The following CDH23 variants were observed in gnomAD, a reference collection of about 807,000 sequenced individuals.
CDH23 encodes the protein cadherin related 23, also known as cadherin-23.
Under a neutral mutation model 317.1 loss-of-function variants are expected in CDH23, and 189 were observed. The observed-to-expected ratio is 0.60, with a 90% confidence interval of 0.53 to 0.67. CDH23 has a LOEUF of 0.67. CDH23 is among the 30% of genes least tolerant of loss of function. CDH23 has a pLI of 0.00. For missense variants in CDH23, 4,401 were observed against 4,592.4 expected (o/e 0.96, Z 1.20); for synonymous variants, 1,839 against 1,876.8 (o/e 0.98, Z 0.52).
intron 1 of CDH23, among the ~76,000 whole-genome samples, chr10:71,400,486 G>GA (rs920804086): frequency 1.3e-5 from 2 of 151,942 alleles, no homozygotes; most frequent in South Asian, 2.1e-4. Context: ...ACATCGATTT[G>GA]AAAATCAGTG....
intron 6 of CDH23, among the ~76,000 whole-genome samples, chr10:71,539,289 A>T (rs988777513): frequency 1.3e-5 from 2 of 152,134 alleles, no homozygotes; most frequent in African/African-American, 4.8e-5. Flanking sequence ...ATGCCTGTCC[A>T]GACCAGTCCC....
chr10:71,716,251 A>C (rs1461752899), intron 28 of CDH23: 4 of 1,549,046 alleles, frequency 2.6e-6, no homozygotes, highest in Non-Finnish European at 3.5e-6. Flanking sequence ...TTGCCTCTGC[A>C]AGGGTCCCGG....
At chr10:71,705,193 C>T in intron 25 of CDH23, 63 bp downstream of exon 25, 1 of 1,481,542 alleles carries the variant, frequency 6.7e-7, no homozygotes, top group Non-Finnish European at 9.1e-7. Flanking sequence ...GGGTCAGGGG[C>T]AGGGGTAGAG....
chr10:71,701,894 C>A, intron 22 of CDH23, 128 bp from the exon 23 acceptor site: 1 of 969,644 alleles, frequency 1.0e-6, no homozygotes, highest in Non-Finnish European at 1.5e-6. Context: ...CGGGGATGCC[C>A]ACTTCCTGGG....
At chr10:71,785,577 A>G in intron 43 of CDH23, 54 bp from the exon 44 acceptor site, 1 of 1,227,800 alleles carries the variant, frequency 8.1e-7, no homozygotes, top group Non-Finnish European at 1.2e-6. Flanking sequence ...CTGTGGGCCA[A>G]AGTAGAAAGC....
At chr10:71,738,400 C>T in intron 34 of CDH23, 98 bp from the exon 35 acceptor site, 1 of 1,416,864 alleles carries the variant, frequency 7.1e-7, no homozygotes, top group Non-Finnish European at 1.0e-6. Flanking sequence ...CCAGAACCCA[C>T]TGGGGATCTG....
chr10:71,566,540 C>T (rs1021233186), intron 6 of CDH23, among the ~76,000 whole-genome samples: 1 of 151,948 alleles, frequency 6.6e-6, no homozygotes, highest in African/African-American at 2.4e-5. Flanking sequence ...TTACAGCCAC[C>T]AGGAGGCCAT....
At chr10:71,577,766 C>A (rs1221649589) in intron 8 of CDH23, 148 bp from the exon 9 acceptor site, 2 of 676,968 alleles carry the variant, frequency 3.0e-6, no homozygotes, top group African/African-American at 3.5e-5. Flanking sequence ...CCCAGGGCAG[C>A]TGATGCCTGA....
chr10:71,790,519 G>A (rs925624079), intron 46 of CDH23, 106 bp downstream of exon 46: 70 of 1,411,626 alleles, frequency 5.0e-5, no homozygotes, highest in African/African-American at 9.9e-5. Context: ...CAGGCTGTCC[G>A]TGGAGACCCC....
intron 68 of CDH23, 77 bp from the exon 69 acceptor site, chr10:71,813,167 A>C: frequency 7.4e-7 from 1 of 1,347,978 alleles, no homozygotes; most frequent in Non-Finnish European, 1.0e-6. Context: ...TGTACCCCTT[A>C]CTCCCAGAGG....
intron 10 of CDH23, among the ~76,000 whole-genome samples, chr10:71,616,339 C>T (rs1253983859): frequency 1.3e-5 from 2 of 152,202 alleles, no homozygotes; most frequent in African/African-American, 4.8e-5. Flanking sequence ...ATGGTGCAGC[C>T]CAGCCTGGCC....
intron 18 of CDH23, among the ~76,000 whole-genome samples, chr10:71,683,168 C>A (rs1348604268): frequency 1.3e-5 from 2 of 152,208 alleles, no homozygotes; most frequent in Non-Finnish European, 2.9e-5. Context: ...CACGGGGATG[C>A]AGAGAGTGGT....
At chr10:71,443,756 C>T (rs931065867) in intron 2 of CDH23, among the ~76,000 whole-genome samples, 4 of 152,380 alleles carry the variant, frequency 2.6e-5, no homozygotes, top group African/African-American at 9.6e-5. Context: ...CATCCACTTA[C>T]ATTCCCGCTT....
At chr10:71,716,135 C>A (rs914629702) in intron 28 of CDH23, 1 of 1,549,950 alleles carries the variant, frequency 6.5e-7, no homozygotes, top group East Asian at 2.4e-5. Context: ...AGCCCTGCGG[C>A]GGCTCGGGTC....
intron 3 of CDH23, among the ~76,000 whole-genome samples, chr10:71,449,838 T>G (rs1021179363): frequency 2.6e-5 from 4 of 152,228 alleles, no homozygotes; most frequent in Non-Finnish European, 5.9e-5. Flanking sequence ...GGGCACAGCA[T>G]GGCCATCTGA....
chr10:71,494,224 A>G (rs1852829035), intron 3 of CDH23, among the ~76,000 whole-genome samples: 1 of 152,164 alleles, frequency 6.6e-6, no homozygotes, highest in African/African-American at 2.4e-5. Context: ...ACTTGGCCCT[A>G]TCTCTCATTT....
intron 38 of CDH23, chr10:71,755,253 A>G: frequency 9.8e-7 from 1 of 1,019,796 alleles, no homozygotes; most frequent in Non-Finnish European, 1.5e-6. Flanking sequence ...TCAAATGAAA[A>G]GGAATTGTGC....
chr10:71,811,569 T>G lies in CDH23; in HGVS notation c.9257T>G (p.Met3086Arg), dbSNP rs748821302. The change falls in exon 64 of 70, where the codon ATG (methionine) becomes AGG (arginine). Residue 3086 changes from methionine (M) to arginine (R), a missense_variant. Transcript: ENST00000224721. ...LFLAAMLFVLMNWYYRTVHKR... is the reference protein window; with the variant it reads ...LFLAAMLFVLRNWYYRTVHKR... ...CTGGCCGCCATGCTCTTTGTCCTCA[T>G]GAACTGGTACTACAGGACTGTGTGA... is the stretch of plus-strand genomic sequence containing the variant. The G allele has an allele frequency of 1.2e-6, 2 of 1,613,948 alleles. No homozygotes were observed. Among genetic ancestry groups the G allele is most frequent in the South Asian group, 1.1e-5 (1 of 91,090 alleles).
At chr10:71,446,242 C>T (rs1850159434) in intron 2 of CDH23, 76 bp from the exon 3 acceptor site, 2 of 1,389,384 alleles carry the variant, frequency 1.4e-6, no homozygotes, top group African/African-American at 1.4e-5. Flanking sequence ...CTGCAGCCCT[C>T]ACCCTGTGTC....
Sources: allele counts gnomAD v4.1 joint callset (sites outside exome capture counted in the v4.1 genomes callset), GRCh38; gene constraint gnomAD v4.1.1; transcripts MANE v1.5; gene names NCBI Gene and HGNC (gene_info 2026-07-23, HGNC 2026-07-21).